Variants in GPM6A observed in about 807,000 individuals in gnomAD.
GPM6A encodes the protein glycoprotein M6A.
In GPM6A, 7 loss-of-function variants were observed where a neutral mutation model predicts 32.1. The observed-to-expected ratio is 0.22, with a 90% CI of 0.12 to 0.41. The LOEUF is 0.41. Among genes scored for constraint, GPM6A ranks in the 10% least tolerant of loss-of-function variants. The probability of loss-of-function intolerance (pLI) is 1.00; values close to 1 mark genes in which losing one functional copy is unlikely to be tolerated. For missense variants in GPM6A, 235 were observed against 347.2 expected (o/e 0.68, Z 2.57); for synonymous variants, 130 against 123.4 (o/e 1.05, Z -0.35).
At chr4:175,858,978 T>C (rs940293336) in intron 1 of GPM6A, among the ~76,000 whole-genome samples, 1 of 152,300 alleles carries the variant, frequency 6.6e-6, no homozygotes, top group Admixed American at 6.5e-5. Flanking sequence ...AAAGGGTACA[T>C]ACTGTATGAT....
At chr4:175,977,925 C>A (rs1176244356) in intron 1 of GPM6A, among the ~76,000 whole-genome samples, 1 of 152,172 alleles carries the variant, frequency 6.6e-6, no homozygotes, top group African/African-American at 2.4e-5. Context: ...CCTTCGCATG[C>A]GCACCACTTA....
intron 1 of GPM6A, among the ~76,000 whole-genome samples, chr4:175,884,263 T>G (rs1444057403): frequency 6.6e-6 from 1 of 152,238 alleles, no homozygotes; most frequent in Non-Finnish European, 1.5e-5. Flanking sequence ...GAACGCAAGA[T>G]CGTTAGATTC....
chr4:175,635,868 A>G (rs76659357), intron 6 of GPM6A, among the ~76,000 whole-genome samples: 6,370 of 152,118 alleles, frequency 0.042, 170 homozygotes, highest in Admixed American at 0.073. Context: ...AGTTATTTAC[A>G]TTCTCTGAGT....
chr4:175,812,571 G>A (rs772126361), upstream of GPM6A: 63 of 1,038,966 alleles, frequency 6.1e-5, no homozygotes, highest in Non-Finnish European at 7.0e-5. Flanking sequence ...CTGAATCCCA[G>A]GAGCAGAGAC....
At chr4:175,674,592 G>A (rs1463365452) in intron 2 of GPM6A, among the ~76,000 whole-genome samples, 14 of 152,128 alleles carry the variant, frequency 9.2e-5, no homozygotes, top group Admixed American at 8.5e-4. Context: ...AGGGAAGGAA[G>A]CTTTATACTT....
chr4:175,706,168 T>C (rs1579407181), intron 1 of GPM6A, among the ~76,000 whole-genome samples: 2 of 151,552 alleles, frequency 1.3e-5, no homozygotes, highest in African/African-American at 4.8e-5. Flanking sequence ...ATACAAGAAA[T>C]AACTTCAAAA....
rs1740401736 is a variant in GPM6A at position 175,633,230 on chromosome 4, T to C, written c.*1675A>G. Reference sequence around the variant, plus strand: ...AGAATTTAAAGAAGCCCATTAATACTTTTGCTGAATATCTGTAATACTGCA... The same window carrying C: ...AGAATTTAAAGAAGCCCATTAATACCTTTGCTGAATATCTGTAATACTGCA... On this transcript the variant is annotated 3_prime_UTR_variant, in exon 7 of 7. Coordinates refer to ENST00000393658, the MANE Select transcript of GPM6A (RefSeq NM_201591.3). 1 of 152,498 alleles carries C rather than the reference T, an allele frequency of 6.6e-6. No individual in the cohort carries two copies. The highest frequency in any genetic ancestry group is 1.5e-5 in the Non-Finnish European group (1 of 67,922). 9.4% of individuals were successfully genotyped at this position (152,498 alleles called of 1,614,324 possible).
chr4:175,661,854 C>A (rs951238473), intron 3 of GPM6A, among the ~76,000 whole-genome samples: 4 of 152,026 alleles, frequency 2.6e-5, no homozygotes, highest in African/African-American at 7.2e-5. Flanking sequence ...TTATCAAAAT[C>A]CAGGAGAACA....
chr4:175,720,803 C>T (rs564126553), intron 1 of GPM6A, among the ~76,000 whole-genome samples: 125 of 152,062 alleles, frequency 8.2e-4, no homozygotes, highest in South Asian at 3.5e-3. Flanking sequence ...ACTGAATTCA[C>T]AGCAAGAGAA....
At chr4:175,708,454 T>TGGCTCACTGCAACCTC (rs1745336970) in intron 1 of GPM6A, among the ~76,000 whole-genome samples, 1 of 151,800 alleles carries the variant, frequency 6.6e-6, no homozygotes, top group African/African-American at 2.4e-5. Context: ...GACGCAATCT[T>TGGCTCACTGCAACCTC]GGCTCACTGC....
intron 1 of GPM6A, among the ~76,000 whole-genome samples, chr4:175,989,960 A>C (rs1184701803): frequency 2.6e-5 from 4 of 152,174 alleles, no homozygotes; most frequent in Non-Finnish European, 4.4e-5. Context: ...ATCTCTCTGG[A>C]CAAGTAGATC....
At position 175,900,977 on chromosome 4, in the gene GPM6A, T is replaced by A. The variant is rs571532494; in HGVS notation, c.-22-88728A>T. ...TGAGATCCAGTCATTTGCAACAGCA[T>A]GGATAGAGCTGGAGATTACTATGTT... On this transcript the variant is annotated intron_variant, in intron 1 of 7. Coordinates refer to the GPM6A transcript ENST00000280187. 5.3e-5 allele frequency among the ~76,000 whole-genome samples: 8 copies of A among 152,296 alleles called. No homozygotes were observed. The South Asian group carries it at 1.7e-3, about 32-fold the overall frequency.
chr4:175,649,250 T>C (rs1297742653), intron 4 of GPM6A, among the ~76,000 whole-genome samples: 2 of 152,212 alleles, frequency 1.3e-5, no homozygotes, highest in South Asian at 2.1e-4. Flanking sequence ...ACATATTCTG[T>C]GCTTAATGTC....
intron 1 of GPM6A, among the ~76,000 whole-genome samples, chr4:175,796,641 AT>A (rs2111291161): frequency 6.6e-6 from 1 of 152,246 alleles, no homozygotes; most frequent in Non-Finnish European, 1.5e-5. Context: ...CACTCACCCT[AT>A]TTGATTGCAT....
At chr4:175,883,651 C>T (rs897875368) in intron 1 of GPM6A, among the ~76,000 whole-genome samples, 4 of 152,104 alleles carry the variant, frequency 2.6e-5, no homozygotes, top group Non-Finnish European at 5.9e-5. Flanking sequence ...AATCATCTTC[C>T]TTTAATATCC....
intron 3 of GPM6A, among the ~76,000 whole-genome samples, chr4:175,668,585 A>G (rs968222385): frequency 7.2e-6 from 1 of 139,288 alleles, no homozygotes; most frequent in Non-Finnish European, 1.6e-5. Flanking sequence ...TCTAGAATGC[A>G]GAGTTTCTTT....
At chr4:175,712,913 G>A (rs1032639379) in intron 1 of GPM6A, among the ~76,000 whole-genome samples, 1 of 152,212 alleles carries the variant, frequency 6.6e-6, no homozygotes, top group Admixed American at 6.5e-5. Context: ...CAAAAACATC[G>A]TAAGAAAACA....
intron 1 of GPM6A, among the ~76,000 whole-genome samples, chr4:175,980,907 T>C (rs1206467817): frequency 6.6e-6 from 1 of 152,226 alleles, no homozygotes; most frequent in East Asian, 1.9e-4. Context: ...AAACATATTA[T>C]CTCATGCATA....
chr4:175,846,690 A>G (rs927741623), intron 1 of GPM6A, among the ~76,000 whole-genome samples: 3 of 152,146 alleles, frequency 2.0e-5, no homozygotes, highest in Non-Finnish European at 4.4e-5. Flanking sequence ...CTCCTACTCT[A>G]TTTCACTGAT....
Sources: gnomAD v4.1 joint callset for allele counts (sites outside exome capture counted in the v4.1 genomes callset) on GRCh38, gnomAD v4.1.1 for gene constraint, MANE v1.5 for transcripts, NCBI Gene and HGNC (gene_info 2026-07-23, HGNC 2026-07-21) for gene names.